Variants in NRP1 observed in about 807,000 individuals in gnomAD.
NRP1 encodes neuropilin 1.
A neutral mutation model predicts 106.7 loss-of-function variants in NRP1; 35 were observed. The observed-to-expected ratio is 0.33, with a 90% confidence interval of 0.25 to 0.43. The LOEUF is 0.43. Ranked by LOEUF, NRP1 falls within the 20% of genes least tolerant of loss-of-function variation. NRP1 has a pLI of 1.00. For synonymous variants in NRP1, 437 were observed against 417.9 expected (o/e 1.05, Z -0.56); for missense variants, 1,024 against 1,170.4 (o/e 0.87, Z 1.83).
intron 2 of NRP1, among the ~76,000 whole-genome samples, chr10:33,312,277 T>A (rs1381191992): frequency 6.6e-6 from 1 of 152,240 alleles, no homozygotes; most frequent in African/African-American, 2.4e-5. Flanking sequence ...TCTAGTCAGA[T>A]GTGCTAAGGA....
At chr10:33,333,978 G>A (rs2132998053) in intron 1 of NRP1, among the ~76,000 whole-genome samples, 1 of 152,288 alleles carries the variant, frequency 6.6e-6, no homozygotes, top group East Asian at 1.9e-4. Flanking sequence ...ATTTTTGAAA[G>A]GGAGTCTCTT....
At chr10:33,315,028 A>C (rs1355519609) in intron 2 of NRP1, among the ~76,000 whole-genome samples, 1 of 152,202 alleles carries the variant, frequency 6.6e-6, no homozygotes, top group Non-Finnish European at 1.5e-5. Flanking sequence ...CAATAGACCA[A>C]GTTTACAGAA....
chr10:33,219,217 A>G (rs1294961081), intron 8 of NRP1, among the ~76,000 whole-genome samples: 1 of 152,142 alleles, frequency 6.6e-6, no homozygotes, highest in Non-Finnish European at 1.5e-5. Context: ...ATTTCCTCTC[A>G]TTGACTCCTC....
chr10:33,314,350 A>AT (rs1265486944), intron 2 of NRP1, among the ~76,000 whole-genome samples: 1 of 152,190 alleles, frequency 6.6e-6, no homozygotes, highest in Non-Finnish European at 1.5e-5. Flanking sequence ...AAGTATTGGG[A>AT]TTACAGGCAT....
At chr10:33,308,330 A>G (rs1846316590) in intron 2 of NRP1, among the ~76,000 whole-genome samples, 1 of 151,324 alleles carries the variant, frequency 6.6e-6, no homozygotes, top group African/African-American at 2.4e-5. Flanking sequence ...TTACCAATAT[A>G]ACAAACCTGT....
intron 2 of NRP1, among the ~76,000 whole-genome samples, chr10:33,277,398 C>T (rs536437160): frequency 3.3e-5 from 5 of 152,366 alleles, no homozygotes; most frequent in Non-Finnish European, 7.3e-5. Flanking sequence ...CTGGAGGGGG[C>T]TGCACGGTAG....
chr10:33,316,714 C>A (rs1847066482), intron 2 of NRP1, among the ~76,000 whole-genome samples: 1 of 152,114 alleles, frequency 6.6e-6, no homozygotes, highest in Non-Finnish European at 1.5e-5. Flanking sequence ...GAGAAGAAGG[C>A]CCCAACACTG....
chr10:33,225,563 C>T (rs973979529), intron 7 of NRP1, among the ~76,000 whole-genome samples: 15 of 152,296 alleles, frequency 9.8e-5, no homozygotes, highest in Admixed American at 5.9e-4. Context: ...CCGAGGGACA[C>T]GGTATGGTCT....
In NRP1 at chr10:33,299,034, C is replaced by T. The variant is rs61843238; in HGVS notation, c.249-28178G>A. ...CTTGGTTTGTTTTATACTTTAAGGACCCCACAAGGTAGGCACTATTTTTAG... is the reference window on the plus strand; with the variant it reads ...CTTGGTTTGTTTTATACTTTAAGGATCCCACAAGGTAGGCACTATTTTTAG... On this transcript the variant is annotated intron_variant, in intron 2 of 16. Coordinates refer to ENST00000374867, the MANE Select transcript of NRP1 (RefSeq NM_003873.7). 3.9e-3 allele frequency among the ~76,000 whole-genome samples: 600 copies of T among 152,202 alleles called. 1 individual carries two copies. Among genetic ancestry groups the T allele is most frequent in the South Asian group, 0.012 (58 of 4,810 alleles).
At chr10:33,206,125 C>T (rs1446897408) in intron 10 of NRP1, 1 of 484,516 alleles carries the variant, frequency 2.1e-6, no homozygotes, top group Admixed American at 2.1e-5. Context: ...TGCCACCAGG[C>T]TGTCTTTTCA....
At chr10:33,250,337 A>G (rs1166460207) in intron 6 of NRP1, among the ~76,000 whole-genome samples, 5 of 152,132 alleles carry the variant, frequency 3.3e-5, no homozygotes, top group Non-Finnish European at 5.9e-5. Flanking sequence ...AACAGCACCC[A>G]CCCTGTACAC....
intron 11 of NRP1, among the ~76,000 whole-genome samples, chr10:33,198,415 T>A (rs1357635310): frequency 6.6e-6 from 1 of 152,096 alleles, no homozygotes; most frequent in Non-Finnish European, 1.5e-5. Context: ...GTGCTAGGAT[T>A]ACAGGTATGA....
chr10:33,223,028 G>A (rs1839380991), intron 7 of NRP1, among the ~76,000 whole-genome samples: 1 of 152,174 alleles, frequency 6.6e-6, no homozygotes, highest in South Asian at 2.1e-4. Flanking sequence ...TCTGCCTTGG[G>A]TTGGGAACAG....
At chr10:33,246,562 A>G (rs1399925722) in intron 6 of NRP1, among the ~76,000 whole-genome samples, 1 of 146,780 alleles carries the variant, frequency 6.8e-6, no homozygotes, top group African/African-American at 2.6e-5. Context: ...TTGAAACAGC[A>G]TATTAGTATT....
chr10:33,204,376 C>T (rs1428427802), intron 10 of NRP1, among the ~76,000 whole-genome samples: 2 of 152,144 alleles, frequency 1.3e-5, no homozygotes, highest in East Asian at 1.9e-4. Flanking sequence ...AACATACATG[C>T]CACTCAGGCC....
intron 15 of NRP1, among the ~76,000 whole-genome samples, chr10:33,183,148 T>C (rs1588678028): frequency 6.6e-6 from 1 of 151,966 alleles, no homozygotes; most frequent in Non-Finnish European, 1.5e-5. Flanking sequence ...CTGGGCAACA[T>C]AGTGAGATCC....
intron 2 of NRP1, among the ~76,000 whole-genome samples, chr10:33,287,916 A>G (rs1176572910): frequency 2.0e-5 from 3 of 152,156 alleles, no homozygotes; most frequent in Non-Finnish European, 4.4e-5. Flanking sequence ...TGGTCTCTCG[A>G]GCATGCTTAG....
At chr10:33,200,101 T>C (rs1837162042) in intron 11 of NRP1, among the ~76,000 whole-genome samples, 1 of 152,230 alleles carries the variant, frequency 6.6e-6, no homozygotes, top group African/African-American at 2.4e-5. Context: ...GAATCTATAA[T>C]GGCAGAATTG....
chr10:33,263,617 C>T, intron 4 of NRP1, 29 bp downstream of exon 4: 6 of 1,566,732 alleles, frequency 3.8e-6, no homozygotes, highest in Non-Finnish European at 5.3e-6. Context: ...AGAACCTTCC[C>T]TTTTTGGGGT....
Sources: allele counts gnomAD v4.1 joint callset (sites outside exome capture counted in the v4.1 genomes callset), GRCh38; gene constraint gnomAD v4.1.1; transcripts MANE v1.5; gene names NCBI Gene and HGNC (gene_info 2026-07-23, HGNC 2026-07-21).